C3orf52: variants seen among roughly 807,000 people sequenced by gnomAD.
C3orf52 encodes TPA-induced transmembrane protein.
In C3orf52, 22 loss-of-function variants were observed where a neutral mutation model predicts 24.8. That is an observed-to-expected ratio of 0.89 (90% CI 0.63 to 1.27). The LOEUF is 1.27. Ranked by LOEUF, C3orf52 falls within the 50% of genes most tolerant of loss-of-function variation. The probability of loss-of-function intolerance (pLI) is 0.00; values close to 1 mark genes in which losing one functional copy is unlikely to be tolerated. For missense variants in C3orf52, 265 were observed against 260.7 expected (o/e 1.02, Z -0.11); for synonymous variants, 93 against 100.2 (o/e 0.93, Z 0.43).
At chr3:112,134,724 T>A (rs1395704001), downstream of C3orf52, 1 of 152,570 alleles carries the variant, frequency 6.6e-6, no homozygotes, top group Non-Finnish European at 1.5e-5. Context: ...ACCCTGGAAA[T>A]AGCCCAACTG....
At chr3:112,118,840 G>T (rs1180547814), downstream of C3orf52, among the ~76,000 whole-genome samples, 1 of 152,166 alleles carries the variant, frequency 6.6e-6, no homozygotes, top group African/African-American at 2.4e-5. Context: ...GGATAGAATG[G>T]CAACAGCCAT....
At chr3:112,132,542 T>C, downstream of C3orf52, 1 of 449,394 alleles carries the variant, frequency 2.2e-6, no homozygotes. Context: ...CTAAGGTAGA[T>C]ATTGTATTAT....
At chr3:112,091,786 C>G (rs573621954) in intron 1 of C3orf52, among the ~76,000 whole-genome samples, 1 of 152,088 alleles carries the variant, frequency 6.6e-6, no homozygotes, top group South Asian at 2.1e-4. Flanking sequence ...GGGAGGATCA[C>G]GAGGTCAGGA....
At chr3:112,135,725 C>T (rs2029638), downstream of C3orf52, among the ~76,000 whole-genome samples, 59,277 of 151,920 alleles carry the variant, frequency 0.39, 11,648 homozygotes, top group South Asian at 0.45. Flanking sequence ...ATACCTAATG[C>T]CTGAACTCAC....
At chr3:112,123,784 A>C (rs2074248571) in intron 4 of C3orf52, 1 of 1,602,070 alleles carries the variant, frequency 6.2e-7, no homozygotes, top group East Asian at 2.2e-5. Flanking sequence ...TGCTTGTCAA[A>C]GAAGAACCAT....
intron 4 of C3orf52, 66 bp downstream of exon 4, chr3:112,109,679 C>G: frequency 1.1e-6 from 1 of 940,102 alleles, no homozygotes; most frequent in Non-Finnish European, 1.7e-6. Flanking sequence ...CCCCACCCTT[C>G]GTCATTTACC....
chr3:112,099,085 C>G (rs1288471713), intron 2 of C3orf52, among the ~76,000 whole-genome samples: 1 of 152,146 alleles, frequency 6.6e-6, no homozygotes, highest in Non-Finnish European at 1.5e-5. Context: ...TGCTCTTTCT[C>G]TCTCTCTCCT....
chr3:112,128,082 G>A (rs1263827611), intron 4 of C3orf52: 1 of 1,610,190 alleles, frequency 6.2e-7, no homozygotes, highest in African/African-American at 1.3e-5. Flanking sequence ...CAAGAGAGAT[G>A]GCAAATCATA....
intron 4 of C3orf52, chr3:112,127,963 CCA>C: frequency 6.7e-7 from 1 of 1,495,088 alleles, no homozygotes; most frequent in African/African-American, 1.4e-5. Context: ...ACAGCAAATA[CCA>C]CATTGAAACC....
chr3:112,098,695 G>A (rs951582531), intron 2 of C3orf52, among the ~76,000 whole-genome samples: 1 of 152,144 alleles, frequency 6.6e-6, no homozygotes, highest in Non-Finnish European at 1.5e-5. Context: ...CTGGAGGCTG[G>A]GAACTCCAAG....
chr3:112,103,068 G>A, intron 3 of C3orf52, 103 bp downstream of exon 3: 1 of 1,068,832 alleles, frequency 9.4e-7, no homozygotes, highest in Non-Finnish European at 1.4e-6. Context: ...TTCAATTTTG[G>A]ATTCTTTGTC....
At position 112,123,429 on chromosome 3, in the gene C3orf52, A is replaced by G. The variant is rs1576158154; in HGVS notation, c.*46+3867A>G. The G allele has an allele frequency of 3.1e-6, 5 of 1,604,818 alleles. No homozygotes were observed. The East Asian group carries it at 1.1e-4, about 36-fold the overall frequency. ...ATCCCACCTTTTATTTGTTGGTGCT[A>G]AACAAATGCTAGTCCAGCCACTTCA... On this transcript the variant is annotated intron_variant, in intron 4 of 4. Coordinates refer to the C3orf52 transcript ENST00000480282.
At chr3:112,124,738 T>C (rs991017598) in intron 4 of C3orf52, among the ~76,000 whole-genome samples, 7 of 152,240 alleles carry the variant, frequency 4.6e-5, no homozygotes, top group South Asian at 4.1e-4. Flanking sequence ...GTTTCACTTA[T>C]GATGGGATAT....
intron 4 of C3orf52, chr3:112,123,324 A>C: frequency 3.4e-6 from 5 of 1,479,898 alleles, no homozygotes; most frequent in Non-Finnish European, 4.5e-6. Context: ...TATACAAACC[A>C]TGCTCTGCAG....
chr3:112,132,469 C>A (rs2074479941), downstream of C3orf52, among the ~76,000 whole-genome samples: 1 of 152,184 alleles, frequency 6.6e-6, no homozygotes, highest in East Asian at 1.9e-4. Context: ...CAGAAAATAT[C>A]TTCTAATTTT....
In C3orf52 at chr3:112,116,944, G is replaced by C; in HGVS notation, c.*298G>C. ...GTTGGAGGTCACTGGTATTCTGTTT[G>C]TTTTTGTTTTGTTTCGTTTTGTTTT... On this transcript the variant is annotated 3_prime_UTR_variant, in exon 6 of 6. Transcript: ENST00000264848. 1 of 1,531,118 alleles carries C rather than the reference G, an allele frequency of 6.5e-7. No individual in the cohort carries two copies. The highest frequency in any genetic ancestry group is 8.8e-7 in the Non-Finnish European group (1 of 1,142,300). 94.8% of individuals were successfully genotyped at this position (1,531,118 alleles called of 1,614,324 possible).
At chr3:112,126,857 A>T (rs2074332503) in intron 4 of C3orf52, 1 of 714,106 alleles carries the variant, frequency 1.4e-6, no homozygotes, top group South Asian at 1.6e-5. Flanking sequence ...ATGCAATTGG[A>T]TACAGTAAAG....
intron 4 of C3orf52, chr3:112,123,537 A>C (rs1261799135): frequency 1.2e-6 from 2 of 1,614,080 alleles, no homozygotes; most frequent in African/African-American, 1.3e-5. Flanking sequence ...TCTGTGAGGC[A>C]TGAGAAGTTC....
chr3:112,130,456 CTGTT>C, downstream of C3orf52: 5 of 1,614,008 alleles, frequency 3.1e-6, no homozygotes, highest in East Asian at 1.1e-4. Flanking sequence ...TGGATGTTCT[CTGTT>C]TGGGGCTTTG....
Sources: gnomAD v4.1 joint callset for allele counts (sites outside exome capture counted in the v4.1 genomes callset) on GRCh38, gnomAD v4.1.1 for gene constraint, MANE v1.5 for transcripts, NCBI Gene and HGNC (gene_info 2026-07-23, HGNC 2026-07-21) for gene names.